The following CLSTN2 variants were observed in gnomAD, a reference collection of about 807,000 sequenced individuals.
The protein encoded by CLSTN2 is calsyntenin-2.
In CLSTN2, 48 loss-of-function variants were observed where a neutral mutation model predicts 101.2. The ratio of observed to expected loss-of-function variants is 0.47; its 90% CI spans 0.38 to 0.60. CLSTN2 has a LOEUF of 0.60. Ranked by LOEUF, CLSTN2 falls within the 20% of genes least tolerant of loss-of-function variation. CLSTN2 has a pLI of 0.00. For synonymous variants in CLSTN2, 481 were observed against 463.6 expected (o/e 1.04, Z -0.48); for missense variants, 1,160 against 1,238.2 (o/e 0.94, Z 0.95).
At chr3:140,036,183 T>C (rs888647367) in intron 1 of CLSTN2, among the ~76,000 whole-genome samples, 4 of 152,232 alleles carry the variant, frequency 2.6e-5, no homozygotes, top group Non-Finnish European at 5.9e-5. Flanking sequence ...CAGTACTATC[T>C]GTAAGCTAGA....
chr3:140,073,215 G>A (rs544753846), intron 1 of CLSTN2, among the ~76,000 whole-genome samples: 2 of 152,178 alleles, frequency 1.3e-5, no homozygotes, highest in Non-Finnish European at 2.9e-5. Flanking sequence ...ACTACAAGAC[G>A]ATCCTGTAAT....
At chr3:140,323,168 CTTCCCAGCAGTGGG>C (rs911665922) in intron 2 of CLSTN2, among the ~76,000 whole-genome samples, 19 of 152,298 alleles carry the variant, frequency 1.2e-4, no homozygotes, top group Non-Finnish European at 2.2e-4. Flanking sequence ...CCAGCAGTGG[CTTCCCAGCAGTGGG>C]TTCCCACAGC....
chr3:140,051,394 C>T, intron 1 of CLSTN2, among the ~76,000 whole-genome samples: 1 of 152,184 alleles, frequency 6.6e-6, no homozygotes, highest in Admixed American at 6.5e-5. Flanking sequence ...TGAAACCCTT[C>T]CTGCCTTCAG....
At chr3:140,054,559 A>C (rs567427659) in intron 1 of CLSTN2, among the ~76,000 whole-genome samples, 1 of 152,282 alleles carries the variant, frequency 6.6e-6, no homozygotes, top group East Asian at 1.9e-4. Context: ...CCACCCACAT[A>C]CCCACTGACT....
At chr3:139,940,501 C>T (rs1483577436) in intron 1 of CLSTN2, among the ~76,000 whole-genome samples, 1 of 150,940 alleles carries the variant, frequency 6.6e-6, no homozygotes, top group African/African-American at 2.4e-5. Flanking sequence ...TTATTGATCA[C>T]TTGAACAGTT....
intron 2 of CLSTN2, among the ~76,000 whole-genome samples, chr3:140,239,349 A>G (rs1249638412): frequency 6.6e-6 from 1 of 152,208 alleles, no homozygotes; most frequent in Non-Finnish European, 1.5e-5. Context: ...TGTGATATCA[A>G]TTGTCATTTT....
chr3:139,972,379 C>T (rs1304203205), intron 1 of CLSTN2, among the ~76,000 whole-genome samples: 1 of 152,194 alleles, frequency 6.6e-6, no homozygotes, highest in East Asian at 1.9e-4. Flanking sequence ...TACCTCCAGA[C>T]TGCAGGCAGA....
intron 9 of CLSTN2, among the ~76,000 whole-genome samples, chr3:140,546,216 T>C (rs943001018): frequency 6.6e-6 from 1 of 152,224 alleles, no homozygotes; most frequent in Admixed American, 6.5e-5. Context: ...TGACACCTTC[T>C]CCCTATTTTC....
intron 5 of CLSTN2, among the ~76,000 whole-genome samples, chr3:140,432,269 C>G (rs560550833): frequency 6.6e-6 from 1 of 152,162 alleles, no homozygotes; most frequent in African/African-American, 2.4e-5. Context: ...ATGTAAATGC[C>G]TTGTTATGAG....
chr3:140,380,409 C>T (rs1047231640), intron 2 of CLSTN2, among the ~76,000 whole-genome samples: 1 of 152,178 alleles, frequency 6.6e-6, no homozygotes, highest in Non-Finnish European at 1.5e-5. Context: ...CAGATTGTCT[C>T]CCTCAGGGGA....
chr3:140,446,085 A>G (rs1933071379), intron 5 of CLSTN2, among the ~76,000 whole-genome samples: 1 of 152,152 alleles, frequency 6.6e-6, no homozygotes, highest in South Asian at 2.1e-4. Context: ...TGTACCTAGG[A>G]CACTACACAG....
rs984562849 is a variant in CLSTN2, at chr3:140,393,784, T to A, written c.233-9845T>A. ...AAGATTCTCTACTCCTGCTTGACAG[T>A]GGGAAAACAATTTATCCAGATCTTG... On this transcript the variant is annotated intron_variant, in intron 2 of 16. Transcript: ENST00000458420. 9.2e-5 allele frequency among the ~76,000 whole-genome samples: 14 copies of A among 152,168 alleles called. 1 individual carries two copies.
chr3:140,222,023 T>C (rs966310938), intron 2 of CLSTN2, among the ~76,000 whole-genome samples: 1 of 151,924 alleles, frequency 6.6e-6, no homozygotes, highest in African/African-American at 2.4e-5. Context: ...TTTTGCCATA[T>C]TTATTGTGGT....
intron 2 of CLSTN2, among the ~76,000 whole-genome samples, chr3:140,272,028 C>G (rs1178584552): frequency 6.6e-6 from 1 of 152,188 alleles, no homozygotes; most frequent in Non-Finnish European, 1.5e-5. Context: ...GCTACCAGGG[C>G]AGTTTCTCAA....
At chr3:140,072,318 G>C (rs1205521398) in intron 1 of CLSTN2, among the ~76,000 whole-genome samples, 1 of 152,116 alleles carries the variant, frequency 6.6e-6, no homozygotes, top group Non-Finnish European at 1.5e-5. Context: ...AAATCCTTAT[G>C]TTGAATCTAA....
At chr3:140,222,620 A>C (rs1337624736) in intron 2 of CLSTN2, among the ~76,000 whole-genome samples, 1 of 152,176 alleles carries the variant, frequency 6.6e-6, no homozygotes, top group Non-Finnish European at 1.5e-5. Flanking sequence ...CACAAAAATT[A>C]AAAATGAAAA....
chr3:140,504,674 C>T (rs1403657191), intron 8 of CLSTN2, among the ~76,000 whole-genome samples: 2 of 152,204 alleles, frequency 1.3e-5, no homozygotes, highest in African/African-American at 4.8e-5. Context: ...CATCCACAGT[C>T]ACACCAAAGC....
chr3:140,384,243 G>A (rs560127223), intron 2 of CLSTN2, among the ~76,000 whole-genome samples: 6 of 152,334 alleles, frequency 3.9e-5, no homozygotes, highest in East Asian at 3.9e-4. Flanking sequence ...CAGGGAGCAC[G>A]TTCCACTCCA....
chr3:140,574,425 A>G lies in CLSTN2; in HGVS notation c.*8172A>G, dbSNP rs1985667331. ...GCCTGCTTGCTCCACCGTCGAGGTC[A>G]TGGGCAGCATCCCAACTGAGGAGAG... On this transcript the variant is annotated 3_prime_UTR_variant, in exon 17 of 17. Transcript: ENST00000458420. 6.6e-6 allele frequency: 1 copy of G among 152,238 alleles called. No individual in the cohort carries two copies. Among genetic ancestry groups the G allele is most frequent in the African/African-American group, 2.4e-5 (1 of 41,454 alleles). The allele number at this position is 152,238 out of a possible 1,614,324, so 9.4% of individuals were successfully genotyped here.
Sources: allele counts gnomAD v4.1 joint callset (sites outside exome capture counted in the v4.1 genomes callset), GRCh38; gene constraint gnomAD v4.1.1; transcripts MANE v1.5; gene names NCBI Gene and HGNC (gene_info 2026-07-23, HGNC 2026-07-21).